Variants in DMD observed in about 807,000 individuals in gnomAD.
DMD encodes the protein mutant dystrophin.
DMD carries 63 observed loss-of-function variants against 330.1 expected under a neutral mutation model. That is an observed-to-expected ratio of 0.19 (90% CI 0.16 to 0.24). The LOEUF is 0.24. DMD is among the 10% of genes least tolerant of loss of function. DMD has a pLI of 1.00. For missense variants in DMD, 3,344 were observed against 2,684.1 expected (o/e 1.25, Z -5.43); for synonymous variants, 1,223 against 959.8 (o/e 1.27, Z -5.07).
At chrX:32,120,991 G>C (rs758016701) in intron 44 of DMD, among the ~76,000 whole-genome samples, 58 of 112,211 alleles carry the variant, frequency 5.2e-4, no homozygotes, top group African/African-American at 1.8e-3. Flanking sequence ...ATTAGTATTG[G>C]AGTTTGAAGT....
At chrX:33,044,861 C>T (rs1480990171) in intron 1 of DMD, among the ~76,000 whole-genome samples, 2 of 111,770 alleles carry the variant, frequency 1.8e-5, no homozygotes, top group African/African-American at 6.5e-5. Context: ...TGAAATTTAC[C>T]TTAAGATAAA....
intron 11 of DMD, among the ~76,000 whole-genome samples, chrX:32,621,371 A>T (rs925019852): frequency 1.3e-4 from 14 of 111,459 alleles, no homozygotes; most frequent in Non-Finnish European, 3.8e-5. Context: ...CTCTGCCCCA[A>T]ATCTGAAATT....
intron 55 of DMD, among the ~76,000 whole-genome samples, chrX:31,572,501 A>C (rs1213405990): frequency 1.8e-5 from 2 of 112,094 alleles, no homozygotes; most frequent in Non-Finnish European, 3.8e-5. Flanking sequence ...ACACAAAATA[A>C]TTTTTCTTGC....
intron 2 of DMD, among the ~76,000 whole-genome samples, chrX:33,006,666 C>G (rs185480764): frequency 5.0e-4 from 56 of 111,449 alleles, no homozygotes; most frequent in African/African-American, 1.7e-3. Context: ...ATGCTAGAGG[C>G]ACTTGTATCA....
At chrX:31,975,611 T>C (rs2095430413) in intron 44 of DMD, among the ~76,000 whole-genome samples, 1 of 112,090 alleles carries the variant, frequency 8.9e-6, no homozygotes. Context: ...TTCTACATGA[T>C]TACTAGCATG....
intron 44 of DMD, among the ~76,000 whole-genome samples, chrX:32,050,968 C>A: frequency 1.5e-5 from 1 of 68,050 alleles, no homozygotes; most frequent in Non-Finnish European, 2.6e-5. Flanking sequence ...CTCAGGCTAA[C>A]TTCCTCTTTT....
intron 44 of DMD, among the ~76,000 whole-genome samples, chrX:32,079,114 T>C (rs960274721): frequency 6.2e-5 from 7 of 112,179 alleles, no homozygotes; most frequent in Non-Finnish European, 1.1e-4. Flanking sequence ...CAGGTGTATG[T>C]GCACTGAATA....
chrX:32,509,528 A>G (rs1421747782), intron 18 of DMD, among the ~76,000 whole-genome samples: 2 of 111,716 alleles, frequency 1.8e-5, no homozygotes, highest in Non-Finnish European at 3.8e-5. Context: ...AAACTGGTTC[A>G]AAACAAAAAC....
At chrX:32,720,598 A>T (rs1321589468) in intron 7 of DMD, among the ~76,000 whole-genome samples, 1 of 111,495 alleles carries the variant, frequency 9.0e-6, no homozygotes, top group East Asian at 2.8e-4. Flanking sequence ...TACAACTGTC[A>T]ATTCTACATT....
intron 76 of DMD, among the ~76,000 whole-genome samples, chrX:31,136,549 T>A (rs937695913): frequency 2.7e-5 from 3 of 111,896 alleles, no homozygotes; most frequent in Non-Finnish European, 5.6e-5. Context: ...AGTGACAGTA[T>A]GCCTCACTGA....
At chrX:32,021,802 G>A (rs1350749976) in intron 44 of DMD, among the ~76,000 whole-genome samples, 2 of 111,525 alleles carry the variant, frequency 1.8e-5, no homozygotes, top group Non-Finnish European at 3.8e-5. Flanking sequence ...TTTCTAATAT[G>A]GCTAGTAGAA....
chrX:31,456,834 A>ATG (rs1172234432), intron 59 of DMD, among the ~76,000 whole-genome samples: 915 of 66,973 alleles, frequency 0.014, 2 homozygotes, highest in African/African-American at 0.023. Context: ...GTGCCCACAT[A>ATG]TATGTGTGTG....
At chrX:32,568,508 A>AG (rs958439616) in intron 15 of DMD, among the ~76,000 whole-genome samples, 1 of 80,413 alleles carries the variant, frequency 1.2e-5, no homozygotes, top group Non-Finnish European at 2.2e-5. Context: ...CTCCATCTCA[A>AG]GAAAAAAAAA....
chrX:33,067,458 A>G lies in DMD; in HGVS notation c.32-47258T>C, dbSNP rs1244912603. ...AGGTGATTTTCTTAGAATATGGCTA[A>G]GGAAACACATTTTCATTCATTTGTT... On this transcript the variant is annotated intron_variant, in intron 1 of 78. Transcript: ENST00000357033. Among the ~76,000 whole-genome samples, 4 of 112,847 alleles carry G rather than the reference A, an allele frequency of 3.5e-5. No individual in the cohort carries two copies. The Admixed American group carries it at 3.7e-4, about 11-fold the overall frequency.
Position 32,823,811 on chromosome X carries a change from G to C in DMD, c.265-424C>G, listed in dbSNP as rs1445116855. 2.7e-5 allele frequency among the ~76,000 whole-genome samples: 3 copies of C among 111,393 alleles called. No individual in the cohort carries two copies. In the East Asian group the frequency reaches 8.5e-4, roughly 31 times the overall value. ...GCCTCTGTTTTAGAATGAATGTTAG[G>C]TCTCTAATAAACAATGGAGCAAACT... On this transcript the variant is annotated intron_variant, in intron 4 of 78. Transcript: ENST00000357033.
In DMD at chrX:31,420,474, C is replaced by G. The variant is rs147931464; in HGVS notation, c.9084+24007G>C. On this transcript the variant is annotated intron_variant, in intron 60 of 78. Coordinates refer to ENST00000357033, the MANE Select transcript of DMD (RefSeq NM_004006.3). ...TGCCAGGCAAGGTTTATGTTATTAC[C>G]TCTACAAGTAGGAAGTTGATGCAAA... Among the ~76,000 whole-genome samples the G allele has an allele frequency of 4.8e-3, 540 of 112,523 alleles. 4 individuals carry two copies. The highest frequency in any genetic ancestry group is 0.017 in the African/African-American group (514 of 31,017).
chrX:32,754,009 A>T (rs1569509884), intron 7 of DMD, among the ~76,000 whole-genome samples: 1 of 110,919 alleles, frequency 9.0e-6, no homozygotes, highest in Admixed American at 9.6e-5. Context: ...CCCCCCACCC[A>T]GATTTGTGCC....
At chrX:32,882,324 C>A (rs1376899587) in intron 2 of DMD, among the ~76,000 whole-genome samples, 1 of 111,901 alleles carries the variant, frequency 8.9e-6, no homozygotes, top group Admixed American at 9.5e-5. Context: ...CTTGCTACCT[C>A]TTCTCTTTGT....
chrX:33,251,067 A>G (rs1418071360), intron 1 of DMD, among the ~76,000 whole-genome samples: 2 of 110,929 alleles, frequency 1.8e-5, no homozygotes, highest in Admixed American at 9.7e-5. Context: ...TATTTTTTCT[A>G]CTTGCTGAGC....
Sources: allele counts gnomAD v4.1 joint callset (sites outside exome capture counted in the v4.1 genomes callset), GRCh38; gene constraint gnomAD v4.1.1; transcripts MANE v1.5; gene names NCBI Gene and HGNC (gene_info 2026-07-23, HGNC 2026-07-21).